KIF26B: variants seen among roughly 807,000 people sequenced by gnomAD.
KIF26B encodes kinesin family member 26B.
KIF26B carries 63 observed loss-of-function variants against 151.2 expected under a neutral mutation model. The ratio of observed to expected loss-of-function variants is 0.42; its 90% CI spans 0.34 to 0.51. KIF26B has a LOEUF of 0.51. Ranked by LOEUF, KIF26B falls within the 20% of genes least tolerant of loss-of-function variation. The pLI is 0.07. For missense variants in KIF26B, 2,813 were observed against 2,913.6 expected (o/e 0.97, Z 0.79); for synonymous variants, 1,357 against 1,262.1 (o/e 1.08, Z -1.59).
chr1:245,678,621 T>C (rs1234651553), intron 10 of KIF26B, among the ~76,000 whole-genome samples: 2 of 152,054 alleles, frequency 1.3e-5, no homozygotes, highest in Non-Finnish European at 2.9e-5. Flanking sequence ...CCCAGCACTT[T>C]GGGAGGCCAA....
intron 4 of KIF26B, among the ~76,000 whole-genome samples, chr1:245,465,022 A>G (rs1481116042): frequency 7.7e-6 from 1 of 130,128 alleles, no homozygotes; most frequent in Non-Finnish European, 1.6e-5. Flanking sequence ...TCTGTCGCCC[A>G]GGCTGGAGTG....
intron 3 of KIF26B, among the ~76,000 whole-genome samples, chr1:245,396,400 C>T (rs1673842700): frequency 6.6e-6 from 1 of 152,100 alleles, no homozygotes; most frequent in Non-Finnish European, 1.5e-5. Context: ...TTTTTATAAT[C>T]ACTCAAAACT....
intron 2 of KIF26B, among the ~76,000 whole-genome samples, chr1:245,196,558 G>A (rs892560844): frequency 2.0e-5 from 3 of 152,152 alleles, no homozygotes; most frequent in African/African-American, 7.2e-5. Flanking sequence ...CACCTCCAGA[G>A]TAGACCTGGG....
intron 5 of KIF26B, among the ~76,000 whole-genome samples, chr1:245,594,954 A>G (rs1046117740): frequency 6.7e-6 from 1 of 149,650 alleles, no homozygotes; most frequent in African/African-American, 2.5e-5. Context: ...TTCACTCATG[A>G]TTTGGCTCTC....
rs921442309 is a variant in KIF26B at position 245,399,199 on chromosome 1, G to A, written c.1000-20380G>A. Among the ~76,000 whole-genome samples, 5 of 152,032 alleles carry A rather than the reference G, an allele frequency of 3.3e-5. 1 individual carries two copies. The East Asian group carries it at 9.6e-4, about 29-fold the overall frequency. ...GTCTTTTAACTGTACCATTATTATT[G>A]TTATCTGTCATCTTATTAGCTTATT... is the stretch of plus-strand genomic sequence containing the variant. On this transcript the variant is annotated intron_variant, in intron 3 of 14. Coordinates refer to ENST00000407071, the MANE Select transcript of KIF26B (RefSeq NM_018012.4).
intron 2 of KIF26B, among the ~76,000 whole-genome samples, chr1:245,328,528 C>G (rs1672039217): frequency 6.6e-6 from 1 of 152,160 alleles, no homozygotes; most frequent in African/African-American, 2.4e-5. Flanking sequence ...CATTGCCTGC[C>G]TTAATTCATG....
At chr1:245,570,022 G>A (rs1383293980) in intron 5 of KIF26B, among the ~76,000 whole-genome samples, 2 of 125,966 alleles carry the variant, frequency 1.6e-5, no homozygotes, top group East Asian at 2.9e-4. Context: ...TGCAAGCTCC[G>A]CCTCCTGGGT....
intron 2 of KIF26B, among the ~76,000 whole-genome samples, chr1:245,270,415 TC>T (rs1670838275): frequency 6.6e-6 from 1 of 151,104 alleles, no homozygotes; most frequent in African/African-American, 2.4e-5. Context: ...TCCTTCCCTT[TC>T]CCTTTCCTTT....
chr1:245,209,583 C>T (rs1669473561), intron 2 of KIF26B, among the ~76,000 whole-genome samples: 1 of 151,910 alleles, frequency 6.6e-6, no homozygotes, highest in Non-Finnish European at 1.5e-5. Context: ...GTTTCTTTTC[C>T]CTGGGGTGAG....
At chr1:245,636,882 G>GTGTA (rs2043840145) in intron 9 of KIF26B, among the ~76,000 whole-genome samples, 4 of 151,262 alleles carry the variant, frequency 2.6e-5, no homozygotes, top group Admixed American at 2.0e-4. Flanking sequence ...GTGTGTGTGT[G>GTGTA]TATCTATCTC....
At chr1:245,189,866 G>A (rs1163486890) in intron 2 of KIF26B, among the ~76,000 whole-genome samples, 1 of 152,178 alleles carries the variant, frequency 6.6e-6, no homozygotes, top group Non-Finnish European at 1.5e-5. Context: ...CACAATCATG[G>A]TGGAAGGTGA....
intron 2 of KIF26B, among the ~76,000 whole-genome samples, chr1:245,165,497 G>A (rs763671271): frequency 5.3e-5 from 8 of 152,188 alleles, no homozygotes; most frequent in Non-Finnish European, 1.0e-4. Context: ...GCTCTAGAGC[G>A]GCTTCTGAGG....
In KIF26B at chr1:245,685,814, G is replaced by A. The variant is rs762130575; in HGVS notation, c.2831G>A (p.Ser944Asn). Residue 944 changes from serine (S) to asparagine (N), a missense_variant, in exon 12 of 15, where the codon AGC becomes AAC. By Grantham distance (46) the Ser-to-Asn change is conservative. Transcript: ENST00000407071. ...ATCGACGGCAGCGAGGAGCCCAGCAGCTTTCCTTTCGAAGAACTGCCTGCT... is the reference window on the plus strand; with the variant it reads ...ATCGACGGCAGCGAGGAGCCCAGCAACTTTCCTTTCGAAGAACTGCCTGCT... ...DCIDGSEEPS[S>N]FPFEELPAQF... 1.2e-6 allele frequency: 2 copies of A among 1,610,840 alleles called. No individual in the cohort carries two copies. The highest frequency in any genetic ancestry group is 1.1e-5 in the South Asian group (1 of 90,976).
chr1:245,698,298 G>A lies in KIF26B; in HGVS notation c.6017G>A (p.Gly2006Asp), dbSNP rs966851592. ...DVERLQRRRG[G>D]ASKEAMCFNA... is the part of the protein sequence containing the mutation. ...GAGCGCCTGCAGCGGCGACGAGGGG[G>A]TGCCAGCAAGGTGAGGCAGCCTCCT... Residue 2006 changes from glycine to aspartate, a missense_variant, in exon 13 of 15, where the codon GGT becomes GAT. Coordinates refer to ENST00000407071, the MANE Select transcript of KIF26B (RefSeq NM_018012.4). This position sits in a 1 kb window ranked among gnomAD's most constrained non-coding sequence, Gnocchi z 4.0. 6.2e-7 allele frequency: 1 copy of A among 1,613,274 alleles called. No homozygotes were observed. The highest frequency in any genetic ancestry group is 1.1e-5 in the South Asian group (1 of 91,046).
intron 5 of KIF26B, among the ~76,000 whole-genome samples, chr1:245,545,442 C>T (rs969807941): frequency 6.6e-6 from 1 of 152,134 alleles, no homozygotes; most frequent in African/African-American, 2.4e-5. Flanking sequence ...GTGTTAGGTA[C>T]TGTGCTGAGC....
At chr1:245,259,926 T>A (rs1273653550) in intron 2 of KIF26B, among the ~76,000 whole-genome samples, 1 of 112,298 alleles carries the variant, frequency 8.9e-6, no homozygotes, top group Non-Finnish European at 1.7e-5. Flanking sequence ...CAGAGCGAGG[T>A]CCTGTCTCAA....
Position 245,646,158 on chromosome 1 carries a change from C to T in KIF26B, c.2136C>T (p.Leu712=), listed in dbSNP as rs368743387. 9.2e-5 allele frequency: 148 copies of T among 1,613,884 alleles called. No individual in the cohort carries two copies. Among genetic ancestry groups the T allele is most frequent in the Non-Finnish European group, 1.2e-4 (137 of 1,179,896 alleles). The change falls in exon 10 of 15, where the codon CTC becomes CTT. Residue 712 remains leucine, a synonymous_variant. Transcript: ENST00000407071. ...GCAGCCGCCTGCATCTCATTGATCT[C>T]GGCAGCTGTGTGAAAGCTCTTAGCA... The part of the protein sequence containing the change: ...GGRSRLHLID[L]GSCVKALSKN...
intron 4 of KIF26B, among the ~76,000 whole-genome samples, chr1:245,530,148 T>G (rs552384024): frequency 5.9e-5 from 9 of 152,270 alleles, no homozygotes; most frequent in African/African-American, 2.2e-4. Flanking sequence ...CTCACCACAG[T>G]TAAAATGGCT....
In KIF26B at chr1:245,156,326, C is replaced by CCCGGAAAGCTGGTA; in HGVS notation, c.118_131dup (p.Tyr45GlyfsTer105). 6.5e-7 allele frequency: 1 copy of CCCGGAAAGCTGGTA among 1,547,588 alleles called. No individual in the cohort carries two copies. The highest frequency in any genetic ancestry group is 8.7e-7 in the Non-Finnish European group (1 of 1,145,938). On this transcript the variant is annotated frameshift_variant, in exon 2 of 15. Transcript: ENST00000407071. LOFTEE classifies it high-confidence loss of function. ...CCACCAAGCCCGCAGCGCCCTTCTCCCCGGAAAGCTGGTACCGGAAAGCAT... is the reference window on the plus strand; with the variant it reads ...CCACCAAGCCCGCAGCGCCCTTCTCCCCGGAAAGCTGGTACCGGAAAGCTGGTACCGGAAAGCAT...
Sources: gnomAD v4.1 joint callset for allele counts (sites outside exome capture counted in the v4.1 genomes callset) on GRCh38, gnomAD v4.1.1 for gene constraint, Gnocchi (gnomAD v3.1) non-coding constraint, MANE v1.5 for transcripts, NCBI Gene and HGNC (gene_info 2026-07-23, HGNC 2026-07-21) for gene names.